Variants in IBTK observed in about 807,000 individuals in gnomAD.
IBTK encodes inhibitor of Bruton tyrosine kinase.
In IBTK, 83 loss-of-function variants were observed where a neutral mutation model predicts 154.9. That is an observed-to-expected ratio of 0.54 (90% confidence interval 0.45 to 0.64). The LOEUF is 0.64. Ranked by LOEUF, IBTK falls within the 30% of genes least tolerant of loss-of-function variation. The pLI, the probability that IBTK is intolerant of heterozygous loss-of-function variation, is 0.00. For missense variants in IBTK, 1,332 were observed against 1,584.6 expected, an observed-to-expected ratio of 0.84 and a Z score of 2.71; for synonymous variants, 515 against 536.1, an observed-to-expected ratio of 0.96 and a Z score of 0.54.
intron 15 of IBTK, 139 bp from the exon 16 acceptor site, chr6:82,211,049 T>C (rs536057694): frequency 9.3e-5 from 44 of 473,440 alleles, no homozygotes; most frequent in Admixed American, 5.7e-4. Context: ...ACAAAACACA[T>C]GGCTAAAATA....
intron 19 of IBTK, 44 bp from the exon 20 acceptor site, chr6:82,200,752 AGTTT>A (rs781092192): frequency 8.2e-5 from 41 of 501,228 alleles, no homozygotes; most frequent in African/African-American, 7.5e-4. Context: ...AAATCTGTGA[AGTTT>A]TTTTTTTTTT....
rs764004412 is a variant in IBTK, at chr6:82,214,680, A to G, written c.1751T>C (p.Val584Ala). 2 of 1,613,988 alleles carry G rather than the reference A, an allele frequency of 1.2e-6. 1 individual carries two copies. Among genetic ancestry groups the G allele is most frequent in the Admixed American group, 3.3e-5 (2 of 60,002 alleles). ...LFPAHKYILAVHSDFFQKLFL... is the reference protein window; with the variant it reads ...LFPAHKYILAAHSDFFQKLFL... ...CAATTTCTGAAAAAAATCAGAATGC[A>G]CTGCCAAAATATATTTATGTGCAGG... Residue 584 changes from valine to alanine, a missense_variant, in exon 12 of 29, where the codon GTG becomes GCG. This residue lies in a region of IBTK where 1,134 missense variants were observed against 1,274.7 expected (regional missense o/e 0.89). Transcript: ENST00000306270.
intron 1 of IBTK, among the ~76,000 whole-genome samples, chr6:82,241,135 A>G (rs1173480296): frequency 6.6e-6 from 1 of 152,034 alleles, no homozygotes; most frequent in Non-Finnish European, 1.5e-5. Context: ...TATTTTTATC[A>G]GTCATCCTTA....
intron 23 of IBTK, among the ~76,000 whole-genome samples, chr6:82,194,051 CATTAA>C (rs1274331985): frequency 1.1e-4 from 16 of 152,188 alleles, no homozygotes; most frequent in African/African-American, 2.9e-4. Flanking sequence ...GATAGTATAA[CATTAA>C]ATTAATATCC....
rs576439859 is a variant in IBTK, at chr6:82,232,879, G to A, written c.419-1037C>T. Among the ~76,000 whole-genome samples, 16 of 152,148 alleles carry A rather than the reference G, an allele frequency of 1.1e-4. No individual in the cohort carries two copies. The South Asian group carries it at 3.1e-3, about 30-fold the overall frequency. On this transcript the variant is annotated intron_variant, in intron 3 of 28. Coordinates refer to ENST00000306270, the MANE Select transcript of IBTK (RefSeq NM_015525.4). ...AAAAAAGTATAAAAATTGGCCGCACGCAGTGGTTCATGCCTGTAATCCCAG... is the reference window on the plus strand; with the variant it reads ...AAAAAAGTATAAAAATTGGCCGCACACAGTGGTTCATGCCTGTAATCCCAG...
At chr6:82,183,947 C>T (rs1768414216) in intron 25 of IBTK, among the ~76,000 whole-genome samples, 1 of 152,184 alleles carries the variant, frequency 6.6e-6, no homozygotes, top group Admixed American at 6.5e-5. Flanking sequence ...GAACAAGGCT[C>T]CTGCCAGATG....
At position 82,214,215 on chromosome 6, in the gene IBTK, G is replaced by A. The variant is rs781068224; in HGVS notation, c.2204+12C>T. ...ATGAGGTACAGGAACAGATATAAAA[G>A]AGAAATCATACCTACTACTCAAATT... On this transcript the variant is annotated intron_variant, in intron 12 of 28. Coordinates refer to ENST00000306270, the MANE Select transcript of IBTK (RefSeq NM_015525.4). 6.3e-7 allele frequency: 1 copy of A among 1,596,880 alleles called. No homozygotes were observed. Among genetic ancestry groups the A allele is most frequent in the South Asian group, 1.1e-5 (1 of 87,914 alleles).
rs1480353659 is a variant in IBTK, at chr6:82,173,367, T to G, written c.3797A>C (p.Asn1266Thr). ...ISDLPLLDSP[N>T]PWLSSSVTAP... Reference sequence around the variant, plus strand: ...CCCATAACTTATCAATTAACCTTACTTGGGACTGTCTAGAAGTGGTAAATC... The same window carrying G: ...CCCATAACTTATCAATTAACCTTACGTGGGACTGTCTAGAAGTGGTAAATC... Residue 1266 changes from asparagine to threonine, a missense_variant and splice_region_variant, in exon 27 of 29, where the codon AAT becomes ACT. Physicochemically the swap from Asn to Thr is moderately conservative, Grantham distance 65 (BLOSUM62 0). Transcript: ENST00000306270. The G allele has an allele frequency of 6.2e-7, 1 of 1,610,148 alleles. No individual in the cohort carries two copies. Among genetic ancestry groups the G allele is most frequent in the Non-Finnish European group, 8.5e-7 (1 of 1,176,718 alleles).
intron 4 of IBTK, among the ~76,000 whole-genome samples, chr6:82,229,950 G>C (rs1770445938): frequency 6.6e-6 from 1 of 152,064 alleles, no homozygotes; most frequent in Non-Finnish European, 1.5e-5. Context: ...TGATGCATTA[G>C]GTTGTGACTT....
chr6:82,172,843 TAGAG>T (rs1202254229), intron 27 of IBTK: 7 of 235,876 alleles, frequency 3.0e-5, no homozygotes, highest in African/African-American at 1.6e-4. Context: ...GGACCAGTAT[TAGAG>T]AGAAAATTTT....
At chr6:82,227,600 C>A (rs564986180) in intron 4 of IBTK, among the ~76,000 whole-genome samples, 45 of 152,090 alleles carry the variant, frequency 3.0e-4, no homozygotes, top group African/African-American at 1.1e-3. Flanking sequence ...ACCTTCAATT[C>A]CAAAAATTAG....
intron 19 of IBTK, 129 bp from the exon 20 acceptor site, chr6:82,200,837 G>T (rs1316109901): frequency 1.0e-6 from 1 of 983,460 alleles, no homozygotes; most frequent in Non-Finnish European, 1.4e-6. Context: ...CTGGCCCCAA[G>T]CAAACCTCCC....
At chr6:82,241,046 AC>A (rs746521769) in intron 1 of IBTK, among the ~76,000 whole-genome samples, 1 of 152,176 alleles carries the variant, frequency 6.6e-6, no homozygotes, top group African/African-American at 2.4e-5. Context: ...TTCACAAAAA[AC>A]ATTTGCAACC....
rs1243624844 is a variant in IBTK, at chr6:82,211,361, T to A, written c.2412+6A>T. The A allele has an allele frequency of 1.9e-6, 3 of 1,597,632 alleles. No homozygotes were observed. The African/African-American group carries it at 4.1e-5, about 22-fold the overall frequency. On this transcript the variant is annotated splice_donor_region_variant and intron_variant, in intron 15 of 28. Transcript: ENST00000306270. Reference sequence around the variant, plus strand: ...CCAACCTAGGCGCTTTTTACTTAAATCTTACCTCAATCCATGAGCTACTCA... The same window carrying A: ...CCAACCTAGGCGCTTTTTACTTAAAACTTACCTCAATCCATGAGCTACTCA...
intron 21 of IBTK, 42 bp from the exon 22 acceptor site, chr6:82,196,488 A>T (rs1217782656): frequency 2.1e-5 from 27 of 1,312,216 alleles, no homozygotes; most frequent in Non-Finnish European, 2.7e-5. Flanking sequence ...ATATGCATTA[A>T]ACATATATGC....
At position 82,181,882 on chromosome 6, in the gene IBTK, AC is replaced by A. The variant is rs751941529; in HGVS notation, c.3721del (p.Val1241SerfsTer22). ...GIENSQAPKI[V>X]RCSTHGTPGP... The stretch of plus-strand genomic sequence containing the variant: ...AGTTTTAAGTTTGTTTTATTACCTG[AC>A]AATTTTTGGTGCCTGAGAATTTTCA... On this transcript the variant is annotated frameshift_variant, in exon 26 of 29. Coordinates refer to ENST00000306270, the MANE Select transcript of IBTK (RefSeq NM_015525.4). LOFTEE classifies it high-confidence loss of function. The A allele has an allele frequency of 6.4e-7, 1 of 1,572,840 alleles. No individual in the cohort carries two copies. The highest frequency in any genetic ancestry group is 8.6e-7 in the Non-Finnish European group (1 of 1,165,890).
At chr6:82,220,038 C>T (rs1305048732) in intron 9 of IBTK, among the ~76,000 whole-genome samples, 4 of 151,826 alleles carry the variant, frequency 2.6e-5, no homozygotes, top group African/African-American at 9.7e-5. Context: ...GGCGAAACCC[C>T]GTCTCTACTA....
chr6:82,221,731 T>TTA (rs1770108514), intron 8 of IBTK, among the ~76,000 whole-genome samples: 1 of 152,216 alleles, frequency 6.6e-6, no homozygotes, highest in South Asian at 2.1e-4. Context: ...TAGGCAAGTT[T>TTA]TATAAATGTT....
intron 21 of IBTK, 98 bp from the exon 22 acceptor site, chr6:82,196,544 A>G: frequency 1.8e-6 from 1 of 547,028 alleles, no homozygotes; most frequent in Non-Finnish European, 2.9e-6. Flanking sequence ...TCATTTATCC[A>G]GATTTAATAA....
Sources: allele counts gnomAD v4.1 joint callset (sites outside exome capture counted in the v4.1 genomes callset), GRCh38; gene constraint gnomAD v4.1.1; regional missense constraint gnomAD v4.1.1; transcripts MANE v1.5; gene names NCBI Gene and HGNC (gene_info 2026-07-23, HGNC 2026-07-21).